Variants in YWHAE observed in about 807,000 individuals in gnomAD.
YWHAE encodes tyrosine 3-monooxygenase/tryptophan 5-monooxygenase activation protein epsilon.
Under a neutral mutation model 30.1 loss-of-function variants are expected in YWHAE, and 4 were observed. That is an observed-to-expected ratio of 0.13 (90% CI 0.07 to 0.30). YWHAE has a LOEUF of 0.30. YWHAE is among the 10% of genes least tolerant of loss of function. The probability of loss-of-function intolerance (pLI) is 1.00; values close to 1 mark genes in which losing one functional copy is unlikely to be tolerated. For missense variants in YWHAE, 121 were observed against 315.9 expected, an observed-to-expected ratio of 0.38 and a Z score of 4.68; for synonymous variants, 118 against 111.8, an observed-to-expected ratio of 1.06 and a Z score of -0.35.
chr17:1,394,460 A>AAAAAAAAAAC (rs1555647412), intron 1 of YWHAE, among the ~76,000 whole-genome samples: 4 of 137,606 alleles, frequency 2.9e-5, no homozygotes, highest in African/African-American at 1.1e-4. Flanking sequence ...AAAAAAAAAA[A>AAAAAAAAAAC]ACACAAAAAT....
intron 5 of YWHAE, among the ~76,000 whole-genome samples, chr17:1,352,613 C>T (rs1244658136): frequency 6.6e-6 from 1 of 152,018 alleles, no homozygotes; most frequent in Non-Finnish European, 1.5e-5. Flanking sequence ...GCAACCTCCG[C>T]CTCCTGGGTT....
At chr17:1,388,168 G>C (rs1482348640) in intron 1 of YWHAE, among the ~76,000 whole-genome samples, 9 of 114,462 alleles carry the variant, frequency 7.9e-5, no homozygotes, top group African/African-American at 3.2e-4. Flanking sequence ...TCACCCTGTT[G>C]GTCAGGCTTG....
chr17:1,396,508 T>C (rs1290827539), intron 1 of YWHAE, among the ~76,000 whole-genome samples: 2 of 152,178 alleles, frequency 1.3e-5, no homozygotes, highest in African/African-American at 4.8e-5. Flanking sequence ...AACTTCATCC[T>C]ACCTTCCATG....
chr17:1,384,518 T>A (rs540230970), intron 1 of YWHAE, among the ~76,000 whole-genome samples: 2 of 128,400 alleles, frequency 1.6e-5, no homozygotes, highest in African/African-American at 3.2e-5. Flanking sequence ...GGTGAAACCC[T>A]GTCTCTACTA....
chr17:1,353,205 G>A (rs2072665453), intron 5 of YWHAE, among the ~76,000 whole-genome samples: 2 of 152,172 alleles, frequency 1.3e-5, no homozygotes, highest in Admixed American at 6.6e-5. Context: ...TTGGGAGGCC[G>A]AGGCGGGTGG....
chr17:1,354,982 T>TTG (rs2072707017), intron 4 of YWHAE, among the ~76,000 whole-genome samples: 2 of 94,768 alleles, frequency 2.1e-5, no homozygotes, highest in African/African-American at 1.1e-4. Context: ...TTTTTTTTTT[T>TTG]TTTTTTTTTT....
chr17:1,393,413 A>G (rs1213017802), intron 1 of YWHAE, among the ~76,000 whole-genome samples: 1 of 152,050 alleles, frequency 6.6e-6, no homozygotes, highest in Non-Finnish European at 1.5e-5. Context: ...ATCCCAGTAC[A>G]GACATTATGA....
intron 1 of YWHAE, among the ~76,000 whole-genome samples, chr17:1,378,086 G>A (rs1446221441): frequency 1.3e-5 from 2 of 152,192 alleles, no homozygotes; most frequent in Non-Finnish European, 2.9e-5. Context: ...TGGTTTGGAG[G>A]GGATAGTATG....
chr17:1,368,030 C>G (rs2150856409), intron 1 of YWHAE, among the ~76,000 whole-genome samples: 1 of 152,218 alleles, frequency 6.6e-6, no homozygotes, highest in Admixed American at 6.5e-5. Context: ...GCAGGTGGAT[C>G]ACCTGAGGTC....
intron 2 of YWHAE, among the ~76,000 whole-genome samples, chr17:1,363,152 G>C (rs2150851407): frequency 6.6e-6 from 1 of 152,246 alleles, no homozygotes; most frequent in East Asian, 1.9e-4. Flanking sequence ...CTCCATACTA[G>C]AAGTCTGAAT....
chr17:1,368,332 C>T (rs1417071774), intron 1 of YWHAE, among the ~76,000 whole-genome samples: 4 of 151,630 alleles, frequency 2.6e-5, no homozygotes, highest in South Asian at 2.1e-4. Context: ...GTGGAGATCG[C>T]GCCACTGTAC....
At chr17:1,395,935 A>G (rs1039254593) in intron 1 of YWHAE, among the ~76,000 whole-genome samples, 1 of 152,216 alleles carries the variant, frequency 6.6e-6, no homozygotes, top group African/African-American at 2.4e-5. Flanking sequence ...CCTGGCCAAC[A>G]TGGCGAAACC....
chr17:1,346,757 C>T (rs1335705337), intron 5 of YWHAE, among the ~76,000 whole-genome samples: 6 of 150,846 alleles, frequency 4.0e-5, no homozygotes, highest in East Asian at 2.0e-4. Flanking sequence ...GAAGCAAAGG[C>T]GGGCGGATCA....
intron 5 of YWHAE, among the ~76,000 whole-genome samples, chr17:1,353,365 G>A (rs562335887): frequency 4.0e-5 from 6 of 149,046 alleles, no homozygotes; most frequent in African/African-American, 1.5e-4. Context: ...GTAAACCCAG[G>A]AGACGGAGCT....
At chr17:1,354,443 G>T in intron 4 of YWHAE, 96 bp from the exon 5 acceptor site, 1 of 1,215,774 alleles carries the variant, frequency 8.2e-7, no homozygotes, top group Non-Finnish European at 1.1e-6. Context: ...AGTTATTCCA[G>T]TTTGTAATAG....
chr17:1,384,861 C>T (rs540349629), intron 1 of YWHAE, among the ~76,000 whole-genome samples: 48 of 152,148 alleles, frequency 3.2e-4, no homozygotes, highest in African/African-American at 1.1e-3. Context: ...GCATGCGCCA[C>T]GAAGCCTGGC....
At chr17:1,359,608 A>G (rs923420616) in intron 4 of YWHAE, among the ~76,000 whole-genome samples, 12 of 152,048 alleles carry the variant, frequency 7.9e-5, no homozygotes, top group Non-Finnish European at 1.2e-4. Flanking sequence ...GACAAATATT[A>G]TATGATCCCA....
At chr17:1,347,738 A>G (rs2072550767) in intron 5 of YWHAE, among the ~76,000 whole-genome samples, 2 of 152,144 alleles carry the variant, frequency 1.3e-5, no homozygotes, top group Non-Finnish European at 2.9e-5. Flanking sequence ...AGCAACCATG[A>G]GATGTGCCAG....
At chr17:1,377,885 C>T (rs1403253024) in intron 1 of YWHAE, among the ~76,000 whole-genome samples, 2 of 152,102 alleles carry the variant, frequency 1.3e-5, no homozygotes. Flanking sequence ...CCCGTCTCTA[C>T]TAAAAATACA....
Sources: gnomAD v4.1 joint callset for allele counts (sites outside exome capture counted in the v4.1 genomes callset) on GRCh38, gnomAD v4.1.1 for gene constraint, MANE v1.5 for transcripts, NCBI Gene and HGNC (gene_info 2026-07-23, HGNC 2026-07-21) for gene names.